The following OR2T2 variants were observed in gnomAD, a reference collection of about 807,000 sequenced individuals.
OR2T2 encodes olfactory receptor 2T2.
For synonymous variants in OR2T2, 50 were observed against 162.7 expected, an observed-to-expected ratio of 0.31 and a Z score of 5.27; for missense variants, 138 against 409.1, an observed-to-expected ratio of 0.34 and a Z score of 5.72.
chr1:248,450,428 A>G (rs1394526826), intron 2 of OR2T2, among the ~76,000 whole-genome samples: 1 of 145,992 alleles, frequency 6.8e-6, no homozygotes, highest in Non-Finnish European at 1.5e-5. Context: ...CAGCTTTTTT[A>G]CTCTCCTCTT....
chr1:248,453,980 A>C, exon 3 of OR2T2: 1 of 596,318 alleles, frequency 1.7e-6, no homozygotes. Flanking sequence ...ATTCAAAATT[A>C]ACAGGCAAAA....
chr1:248,445,858 T>C (rs1662629740), intron 1 of OR2T2, among the ~76,000 whole-genome samples, 189 bp downstream of exon 1: 1 of 150,928 alleles, frequency 6.6e-6, no homozygotes. Flanking sequence ...AGCAGACAAC[T>C]GGAAAAGGGC....
chr1:248,445,991 TGA>T (rs1401469329), intron 1 of OR2T2, among the ~76,000 whole-genome samples: 3 of 145,340 alleles, frequency 2.1e-5, no homozygotes, highest in African/African-American at 8.4e-5. Flanking sequence ...GTATTCACAA[TGA>T]GAAAGTTTCA....
chr1:248,446,015 T>C (rs1456219015), intron 1 of OR2T2, among the ~76,000 whole-genome samples: 1 of 145,146 alleles, frequency 6.9e-6, no homozygotes, highest in Admixed American at 6.7e-5. Flanking sequence ...AATTAATTGG[T>C]AGCAGGGGTG....
intron 2 of OR2T2, among the ~76,000 whole-genome samples, chr1:248,450,647 A>AT (rs1188528982): frequency 1.3e-5 from 2 of 152,188 alleles, no homozygotes; most frequent in Non-Finnish European, 2.9e-5. Flanking sequence ...ATTCTTGCCT[A>AT]TTTCAGTTCC....
chr1:248,447,957 TGTGG>T (rs1662705536), intron 2 of OR2T2, among the ~76,000 whole-genome samples: 3 of 152,264 alleles, frequency 2.0e-5, no homozygotes, highest in Admixed American at 2.0e-4. Flanking sequence ...TTTTGAGTAG[TGTGG>T]TGGAAATATC....
At chr1:248,447,016 C>T (rs113300036) in intron 2 of OR2T2, among the ~76,000 whole-genome samples, 1,844 of 147,668 alleles carry the variant, frequency 0.012, 8 homozygotes, top group African/African-American at 0.047. Flanking sequence ...GGAAAGTAGA[C>T]TACTTTTCCA....
At position 248,453,433 on chromosome 1, in the gene OR2T2, ATCTG is replaced by A. The variant is rs1396676321; in HGVS notation, c.639_642del (p.Val214SerfsTer10). 1 of 1,579,328 alleles carries A rather than the reference ATCTG, an allele frequency of 6.3e-7. No homozygotes were observed. The highest frequency in any genetic ancestry group is 1.4e-5 in the African/African-American group (1 of 71,752). On this transcript the variant is annotated frameshift_variant, in exon 3 of 3. Transcript: ENST00000642130. LOFTEE classifies it low-confidence loss of function (END_TRUNC). ...GCGTGCTGATGCTGCTTATCCCTCT[ATCTG>A]TCATCTCTGTCTCCTACACGCACAT...
chr1:248,446,793 C>T (rs1662669802), exon 2 of OR2T2: 1 of 148,976 alleles, frequency 6.7e-6, no homozygotes, highest in Admixed American at 6.6e-5. Context: ...TTGGTGATAT[C>T]CTTGACAATG....
intron 2 of OR2T2, among the ~76,000 whole-genome samples, chr1:248,450,400 C>A (rs1408240255): frequency 8.4e-4 from 122 of 144,512 alleles, no homozygotes; most frequent in Non-Finnish European, 1.5e-3. Context: ...TGGCTAAAAT[C>A]ATATCTTTCT....
In OR2T2 at chr1:248,450,347, CTTTTTT is replaced by C. The variant is rs201321023; in HGVS notation, c.-22-2421_-22-2416del. On this transcript the variant is annotated intron_variant, in intron 2 of 2. Coordinates refer to ENST00000642130, the Ensembl canonical transcript of OR2T2. Reference sequence around the variant, plus strand: ...CAACGCTCACACTCACAAGGAACCTCTTTTTTTTTTTTTAACACGGTCTCGGTTGTA... The same window carrying C: ...CAACGCTCACACTCACAAGGAACCTCTTTTTTTAACACGGTCTCGGTTGTA... 8.8e-3 allele frequency among the ~76,000 whole-genome samples: 1,218 copies of C among 138,968 alleles called. 33 individuals carry two copies. The highest frequency in any genetic ancestry group is 0.036 in the African/African-American group (1,150 of 31,734). 91.2% of individuals were successfully genotyped at this position (138,968 alleles called of 152,430 possible).
At chr1:248,455,035 G>GTGT (rs1461958016) in exon 3 of OR2T2, 2 of 151,470 alleles carry the variant, frequency 1.3e-5, no homozygotes, top group African/African-American at 2.5e-5. Flanking sequence ...TTGGAGTTAG[G>GTGT]TGTGGTGCTT....
At chr1:248,448,041 C>G (rs554170527) in intron 2 of OR2T2, among the ~76,000 whole-genome samples, 1 of 152,400 alleles carries the variant, frequency 6.6e-6, no homozygotes, top group South Asian at 2.1e-4. Context: ...TCTAGGTTAT[C>G]AAATCGACTG....
chr1:248,447,800 C>G (rs556646202), intron 2 of OR2T2, among the ~76,000 whole-genome samples: 4 of 151,568 alleles, frequency 2.6e-5, no homozygotes, highest in Non-Finnish European at 2.9e-5. Flanking sequence ...TAGGGTTGAA[C>G]CTTTGAGGTA....
chr1:248,449,858 A>T, intron 2 of OR2T2, among the ~76,000 whole-genome samples: 1 of 114,992 alleles, frequency 8.7e-6, no homozygotes, highest in African/African-American at 4.7e-5. Flanking sequence ...AGACTAGTTG[A>T]TGAAGGGGAA....
chr1:248,453,042 T>G, exon 3 of OR2T2: 1 of 1,613,418 alleles, frequency 6.2e-7, no homozygotes, highest in Non-Finnish European at 8.5e-7. Flanking sequence ...GTCCCCAAGA[T>G]GCTCCAGGAC....
intron 1 of OR2T2, among the ~76,000 whole-genome samples, chr1:248,446,032 AT>A (rs1662638266): frequency 6.9e-6 from 1 of 145,390 alleles, no homozygotes; most frequent in African/African-American, 2.8e-5. Flanking sequence ...GGTGCATACT[AT>A]TGGATAAGCA....
intron 2 of OR2T2, among the ~76,000 whole-genome samples, chr1:248,449,833 T>TCTTTTTCTTTTTCTTTTTC (rs1200144216): frequency 7.6e-6 from 1 of 132,254 alleles, no homozygotes; most frequent in African/African-American, 3.7e-5. Flanking sequence ...TTTTTCTTTT[T>TCTTTTTCTTTTTCTTTTTC]TTTTTTTTTT....
intron 2 of OR2T2, among the ~76,000 whole-genome samples, chr1:248,447,891 T>C (rs1297881372): frequency 1.4e-5 from 2 of 143,020 alleles, no homozygotes; most frequent in African/African-American, 2.7e-5. Context: ...CAGGTTGCTA[T>C]CTACCATGTG....
Sources: gnomAD v4.1 joint callset for allele counts (sites outside exome capture counted in the v4.1 genomes callset) on GRCh38, gnomAD v4.1.1 for gene constraint, MANE v1.5 for transcripts, NCBI Gene and HGNC (gene_info 2026-07-23, HGNC 2026-07-21) for gene names.